PTPRR: variants seen among roughly 807,000 people sequenced by gnomAD.
PTPRR encodes protein tyrosine phosphatase receptor type R, also known as receptor-type tyrosine-protein phosphatase R.
In PTPRR, 38 loss-of-function variants were observed where a neutral mutation model predicts 77.2. The ratio of observed to expected loss-of-function variants is 0.49; its 90% CI spans 0.38 to 0.65. PTPRR has a LOEUF of 0.65. Ranked by LOEUF, PTPRR falls within the 30% of genes least tolerant of loss-of-function variation. The probability of loss-of-function intolerance (pLI) is 0.00; values close to 1 mark genes in which losing one functional copy is unlikely to be tolerated. For synonymous variants in PTPRR, 299 were observed against 283.1 expected (o/e 1.06, Z -0.57); for missense variants, 744 against 799.2 (o/e 0.93, Z 0.83).
intron 2 of PTPRR, among the ~76,000 whole-genome samples, chr12:70,842,722 A>T (rs963895409): frequency 2.0e-5 from 3 of 152,228 alleles, no homozygotes; most frequent in Non-Finnish European, 2.9e-5. Context: ...AGGATTGCTC[A>T]GTGTGACCTC....
intron 1 of PTPRR, among the ~76,000 whole-genome samples, chr12:70,919,673 G>GTTTTTTTTTTTTTTTTTTTT (rs58439089): frequency 1.8e-5 from 2 of 110,082 alleles, no homozygotes; most frequent in Non-Finnish European, 1.9e-5. Context: ...AACTGTAATT[G>GTTTTTTTTTTTTTTTTTTTT]TTTTTTTTTT....
At chr12:70,842,552 C>T (rs1565715482) in intron 2 of PTPRR, among the ~76,000 whole-genome samples, 2 of 152,222 alleles carry the variant, frequency 1.3e-5, no homozygotes, top group African/African-American at 4.8e-5. Context: ...CCTCTTCCAA[C>T]TTCTGGCAGC....
chr12:70,685,068 C>T (rs1033124283), intron 8 of PTPRR, among the ~76,000 whole-genome samples: 1 of 152,114 alleles, frequency 6.6e-6, no homozygotes, highest in African/African-American at 2.4e-5. Context: ...ATTTTTGCGC[C>T]CACTCTTATA....
In PTPRR at chr12:70,876,012, C is replaced by T. The variant is rs139287916; in HGVS notation, c.357+16667G>A. Among the ~76,000 whole-genome samples the T allele has an allele frequency of 1.2e-3, 188 of 152,264 alleles. 1 individual carries two copies. Among genetic ancestry groups the T allele is most frequent in the Non-Finnish European group, 2.2e-3 (150 of 68,004 alleles). On this transcript the variant is annotated intron_variant, in intron 2 of 13. Coordinates refer to ENST00000283228, the MANE Select transcript of PTPRR (RefSeq NM_002849.4). ...AAAAATTAAAAAGAACAACAATGAACTACTCCTGGTAAGACTATGAGTACA... is the reference window on the plus strand; with the variant it reads ...AAAAATTAAAAAGAACAACAATGAATTACTCCTGGTAAGACTATGAGTACA...
chr12:70,883,386 TC>T (rs1212355485), intron 2 of PTPRR, among the ~76,000 whole-genome samples: 1 of 152,198 alleles, frequency 6.6e-6, no homozygotes, highest in African/African-American at 2.4e-5. Context: ...TCCAATGTTT[TC>T]CCCAGTCTTA....
chr12:70,672,362 C>G, intron 10 of PTPRR: 1 of 1,389,190 alleles, frequency 7.2e-7, no homozygotes, highest in Non-Finnish European at 1.0e-6. Context: ...TGAGATGGTC[C>G]TCCCATCAGA....
At chr12:70,673,849 G>GT (rs894656658) in intron 10 of PTPRR, among the ~76,000 whole-genome samples, 41 of 151,476 alleles carry the variant, frequency 2.7e-4, no homozygotes, top group East Asian at 1.2e-3. Flanking sequence ...ATTTTTAATG[G>GT]TTTTTTTTGC....
At chr12:70,872,910 A>G (rs1892986561) in intron 2 of PTPRR, among the ~76,000 whole-genome samples, 1 of 152,116 alleles carries the variant, frequency 6.6e-6, no homozygotes, top group African/African-American at 2.4e-5. Flanking sequence ...ACTTTAAAAC[A>G]ATTTTATGAT....
chr12:70,685,309 C>T (rs902971425), intron 8 of PTPRR, among the ~76,000 whole-genome samples: 5 of 151,724 alleles, frequency 3.3e-5, no homozygotes, highest in African/African-American at 1.2e-4. Flanking sequence ...TGAGGATAGG[C>T]AAGCCAGGGG....
intron 2 of PTPRR, among the ~76,000 whole-genome samples, chr12:70,865,181 T>C (rs959443250): frequency 7.9e-5 from 12 of 152,118 alleles, no homozygotes; most frequent in East Asian, 7.7e-4. Flanking sequence ...CCTGTCGCCA[T>C]GTAAGACGTG....
chr12:70,893,165 C>T (rs1893368335), intron 1 of PTPRR, among the ~76,000 whole-genome samples, 188 bp from the exon 2 acceptor site: 1 of 151,756 alleles, frequency 6.6e-6, no homozygotes, highest in Non-Finnish European at 1.5e-5. Flanking sequence ...GGTATGAAGG[C>T]CTCTCAAAGA....
intron 2 of PTPRR, among the ~76,000 whole-genome samples, chr12:70,789,501 A>AT (rs1286723472): frequency 2.6e-5 from 4 of 152,226 alleles, no homozygotes; most frequent in Non-Finnish European, 5.9e-5. Flanking sequence ...GGATTCAAAT[A>AT]TTAGCTGGTC....
intron 1 of PTPRR, among the ~76,000 whole-genome samples, chr12:70,897,154 G>A (rs1409445184): frequency 6.6e-6 from 1 of 151,868 alleles, no homozygotes; most frequent in Admixed American, 6.6e-5. Flanking sequence ...TTGACAAATG[G>A]GATCTAATTA....
intron 6 of PTPRR, among the ~76,000 whole-genome samples, chr12:70,742,132 A>G (rs574752185): frequency 1.3e-5 from 2 of 152,298 alleles, no homozygotes; most frequent in East Asian, 3.9e-4. Flanking sequence ...GCAGATGACA[A>G]TGTGCACAGA....
chr12:70,643,733 G>A (rs145456735), intron 13 of PTPRR, among the ~76,000 whole-genome samples: 53 of 152,068 alleles, frequency 3.5e-4, no homozygotes, highest in Non-Finnish European at 5.7e-4. Flanking sequence ...ATACAAAGTG[G>A]TTCTGGGAGG....
At chr12:70,684,376 G>T (rs1887784200) in intron 9 of PTPRR, 112 bp from the exon 10 acceptor site, 3 of 1,166,446 alleles carry the variant, frequency 2.6e-6, no homozygotes, top group Non-Finnish European at 3.6e-6. Flanking sequence ...AGCAACACAG[G>T]TTACGGCTTC....
intron 2 of PTPRR, among the ~76,000 whole-genome samples, chr12:70,789,640 T>C (rs746562125): frequency 3.3e-5 from 5 of 152,112 alleles, no homozygotes; most frequent in African/African-American, 4.8e-5. Flanking sequence ...TAAAAATAGA[T>C]GGCAACAAAA....
rs898713531 is a variant in PTPRR, at chr12:70,672,477, G to A, written c.1498-9872C>T. On this transcript the variant is annotated intron_variant, in intron 10 of 13. Coordinates refer to ENST00000283228, the MANE Select transcript of PTPRR (RefSeq NM_002849.4). ...TGGCCCATGTGGCTGGCTTCACTGC[G>A]GCTCATAACGTGAGTGCTCATGACT... 49 of 1,141,112 alleles carry A rather than the reference G, an allele frequency of 4.3e-5. No homozygotes were observed. The African/African-American group carries it at 5.3e-4, about 12-fold the overall frequency. 70.7% of individuals were successfully genotyped at this position (1,141,112 alleles called of 1,614,324 possible). A position where few individuals can be genotyped will look rare whatever the true frequency, so the allele number is the denominator to read the frequency against.
At chr12:70,647,058 A>G (rs964605439) in intron 13 of PTPRR, among the ~76,000 whole-genome samples, 3 of 152,156 alleles carry the variant, frequency 2.0e-5, no homozygotes, top group African/African-American at 4.8e-5. Context: ...GCCACAAGTG[A>G]GGCCTTTGGA....
Sources: gnomAD v4.1 joint callset for allele counts (sites outside exome capture counted in the v4.1 genomes callset) on GRCh38, gnomAD v4.1.1 for gene constraint, MANE v1.5 for transcripts, NCBI Gene and HGNC (gene_info 2026-07-23, HGNC 2026-07-21) for gene names.